RAD51B: variants seen among roughly 807,000 people sequenced by gnomAD.
RAD51B encodes RAD51 paralog B.
Under a neutral mutation model 42.2 loss-of-function variants are expected in RAD51B, and 38 were observed. That is an observed-to-expected ratio of 0.90 (90% CI 0.70 to 1.18). The LOEUF (loss-of-function observed/expected upper bound fraction) is 1.18, where lower values mean the gene tolerates loss of function less well. Ranked by LOEUF, RAD51B falls within the 50% of genes most tolerant of loss-of-function variation. The pLI is 0.00. For missense variants in RAD51B, 373 were observed against 400.7 expected (o/e 0.93, Z 0.59); for synonymous variants, 154 against 145.2 (o/e 1.06, Z -0.43).
chr14:68,521,349 C>A (rs531784060), intron 10 of RAD51B, among the ~76,000 whole-genome samples: 61 of 152,314 alleles, frequency 4.0e-4, no homozygotes, highest in African/African-American at 1.5e-3. Flanking sequence ...TGTCTGCAGG[C>A]CAGCCAGTGA....
rs35766069 is a variant in RAD51B at position 68,293,667 on chromosome 14, G to A, written c.853+1687G>A. 3.5e-4 allele frequency among the ~76,000 whole-genome samples: 53 copies of A among 152,174 alleles called. 1 individual carries two copies. The East Asian group carries it at 8.7e-3, about 25-fold the overall frequency. On this transcript the variant is annotated intron_variant, in intron 8 of 10. Transcript: ENST00000471583. ...CTTCTCGTCCCACATCCACTCCTTC[G>A]AGGCTTATTTAAAGACTGCCTCTTT... is the stretch of plus-strand genomic sequence containing the variant.
intron 7 of RAD51B, among the ~76,000 whole-genome samples, chr14:68,008,074 A>G (rs2075621103): frequency 6.6e-6 from 1 of 151,900 alleles, no homozygotes; most frequent in Non-Finnish European, 1.5e-5. Context: ...GATATTTGGC[A>G]ACATTATAAA....
chr14:68,400,407 C>G (rs1032757936), intron 8 of RAD51B, among the ~76,000 whole-genome samples: 4 of 152,186 alleles, frequency 2.6e-5, no homozygotes, highest in Non-Finnish European at 4.4e-5. Flanking sequence ...TTCCAGCACT[C>G]AGGGATATAC....
chr14:67,999,063 CT>C (rs2075434420), intron 7 of RAD51B, among the ~76,000 whole-genome samples: 1 of 151,860 alleles, frequency 6.6e-6, no homozygotes. Context: ...GTTATCATTC[CT>C]TGTGGTGCAT....
chr14:68,583,165 T>A (rs979796576), intron 10 of RAD51B, among the ~76,000 whole-genome samples: 13 of 151,986 alleles, frequency 8.6e-5, no homozygotes, highest in Non-Finnish European at 1.3e-4. Context: ...ATAAAAAAAA[T>A]TTAAAAAAGA....
intron 10 of RAD51B, among the ~76,000 whole-genome samples, chr14:68,576,750 A>G (rs974483111): frequency 6.6e-6 from 1 of 152,130 alleles, no homozygotes; most frequent in African/African-American, 2.4e-5. Flanking sequence ...GGACTCACGC[A>G]GGGGCATGAT....
At chr14:68,521,793 G>A (rs1886600635) in intron 10 of RAD51B, among the ~76,000 whole-genome samples, 1 of 152,064 alleles carries the variant, frequency 6.6e-6, no homozygotes, top group Non-Finnish European at 1.5e-5. Context: ...TTTCAGAGTG[G>A]TTCCTTTGGC....
At chr14:68,570,304 G>A (rs910111782) in intron 10 of RAD51B, among the ~76,000 whole-genome samples, 1 of 152,182 alleles carries the variant, frequency 6.6e-6, no homozygotes, top group African/African-American at 2.4e-5. Context: ...CCTGCGATTA[G>A]GAGAGGGCCC....
intron 10 of RAD51B, among the ~76,000 whole-genome samples, chr14:68,490,141 T>C (rs1202824065): frequency 6.6e-6 from 1 of 152,238 alleles, no homozygotes; most frequent in African/African-American, 2.4e-5. Flanking sequence ...TGCAGAATGG[T>C]TTGTTATGGA....
chr14:68,625,356 T>C (rs1892053434), intron 10 of RAD51B, among the ~76,000 whole-genome samples: 1 of 152,204 alleles, frequency 6.6e-6, no homozygotes, highest in African/African-American at 2.4e-5. Context: ...CAGGCCTGAT[T>C]CACAAAATAA....
chr14:68,631,787 A>C (rs1892233417), intron 10 of RAD51B, among the ~76,000 whole-genome samples: 1 of 152,024 alleles, frequency 6.6e-6, no homozygotes, highest in African/African-American at 2.4e-5. Context: ...ACCCTTGAAG[A>C]CGCCGCTCAG....
chr14:68,554,107 A>C (rs1244595578), intron 10 of RAD51B, among the ~76,000 whole-genome samples: 1 of 152,190 alleles, frequency 6.6e-6, no homozygotes. Context: ...GAGGCTTAGA[A>C]AGGGTGATGA....
chr14:68,449,083 A>G (rs1234211525), intron 9 of RAD51B, among the ~76,000 whole-genome samples: 1 of 152,230 alleles, frequency 6.6e-6, no homozygotes, highest in African/African-American at 2.4e-5. Context: ...ACCGTTTTTC[A>G]TAGCAGCATA....
intron 7 of RAD51B, among the ~76,000 whole-genome samples, chr14:67,893,536 T>G (rs890419719): frequency 8.9e-5 from 13 of 145,556 alleles, no homozygotes; most frequent in Non-Finnish European, 1.4e-4. Flanking sequence ...CTGGGTGTGG[T>G]GCTACACACC....
chr14:68,208,817 T>C (rs2079646165), intron 7 of RAD51B, among the ~76,000 whole-genome samples: 2 of 152,170 alleles, frequency 1.3e-5, no homozygotes, highest in Non-Finnish European at 2.9e-5. Context: ...GGGTTATATA[T>C]TATACCCTAG....
chr14:68,210,478 A>G (rs1479249314), intron 7 of RAD51B, among the ~76,000 whole-genome samples: 1 of 152,130 alleles, frequency 6.6e-6, no homozygotes, highest in East Asian at 1.9e-4. Flanking sequence ...TAGGGATGGT[A>G]ACATACCATT....
chr14:68,344,640 C>A (rs916490827), intron 8 of RAD51B, among the ~76,000 whole-genome samples: 2 of 145,500 alleles, frequency 1.4e-5, no homozygotes, highest in African/African-American at 5.1e-5. Flanking sequence ...GAGCGAGACT[C>A]CGTCTCAAAA....
chr14:67,918,761 G>A (rs1026112308), intron 7 of RAD51B, among the ~76,000 whole-genome samples: 1 of 152,208 alleles, frequency 6.6e-6, no homozygotes, highest in Non-Finnish European at 1.5e-5. Flanking sequence ...AGACAAGGAA[G>A]CAATACCTTC....
intron 5 of RAD51B, among the ~76,000 whole-genome samples, chr14:67,865,618 A>G (rs1301202786): frequency 7.1e-6 from 1 of 141,418 alleles, no homozygotes. Context: ...AGCTCACTGC[A>G]ACCTCCGCCT....
Sources: allele counts gnomAD v4.1 joint callset (sites outside exome capture counted in the v4.1 genomes callset), GRCh38; gene constraint gnomAD v4.1.1; transcripts MANE v1.5; gene names NCBI Gene and HGNC (gene_info 2026-07-23, HGNC 2026-07-21).